Variants in B4GALNT3 observed in about 807,000 individuals in gnomAD.
B4GALNT3 encodes beta-1,4-N-acetyl-galactosaminyltransferase 3.
A neutral mutation model predicts 120.2 loss-of-function variants in B4GALNT3; 86 were observed. That is an observed-to-expected ratio of 0.72 (90% confidence interval 0.60 to 0.86). The LOEUF (loss-of-function observed/expected upper bound fraction) is 0.86. B4GALNT3 is among the 40% of genes least tolerant of loss of function. The pLI, the probability that B4GALNT3 is intolerant of heterozygous loss-of-function variation, is 0.00. For missense variants in B4GALNT3, 1,167 were observed against 1,298.9 expected (o/e 0.90, Z 1.56); for synonymous variants, 518 against 510.4 (o/e 1.01, Z -0.20).
intron 15 of B4GALNT3, 45 bp from the exon 16 acceptor site, chr12:557,563 T>C (rs1172329608): frequency 6.3e-7 from 1 of 1,582,470 alleles, no homozygotes; most frequent in Non-Finnish European, 8.6e-7. Flanking sequence ...CCGCTCATCT[T>C]TGCCTTGTCT....
chr12:480,423 G>C (rs200125548), intron 1 of B4GALNT3, among the ~76,000 whole-genome samples: 1 of 76,592 alleles, frequency 1.3e-5, no homozygotes, highest in Admixed American at 1.7e-4. Context: ...AACACGGAAG[G>C]CTTGACGGTG....
intron 16 of B4GALNT3, 71 bp downstream of exon 16, chr12:557,832 A>C (rs1947176318): frequency 6.5e-7 from 1 of 1,539,440 alleles, no homozygotes; most frequent in East Asian, 2.3e-5. Flanking sequence ...TGCTGGGTCC[A>C]GGGTAGAGCC....
chr12:559,315 T>C lies in B4GALNT3; in HGVS notation c.2782T>C (p.Phe928Leu), dbSNP rs1215871369. ...CACAGGCTACTGGGAGGTGAATGGG[T>C]TCGGGCTGCTTGGCATCTACAAGTC... is the stretch of plus-strand genomic sequence containing the variant. ...WPEGYWEVNG[F>L]GLLGIYKSDL... The change falls in exon 19 of 20, where the codon TTC becomes CTC. Residue 928 changes from phenylalanine to leucine, a missense_variant. Transcript: ENST00000266383. The C allele has an allele frequency of 6.2e-7, 1 of 1,613,840 alleles. No individual in the cohort carries two copies. The highest frequency in any genetic ancestry group is 1.7e-5 in the Admixed American group (1 of 59,984).
At chr12:560,941 G>C (rs1015199789) in intron 19 of B4GALNT3, among the ~76,000 whole-genome samples, 1 of 152,238 alleles carries the variant, frequency 6.6e-6, no homozygotes, top group African/African-American at 2.4e-5. Flanking sequence ...CGTGTGCCCT[G>C]GAGGCTGGGC....
intron 1 of B4GALNT3, among the ~76,000 whole-genome samples, chr12:500,695 C>T (rs1026596036): frequency 6.6e-6 from 1 of 152,068 alleles, no homozygotes; most frequent in African/African-American, 2.4e-5. Flanking sequence ...ACCAGGCCTT[C>T]ATACTATCCA....
At position 513,358 on chromosome 12, in the gene B4GALNT3, C is replaced by A. The variant is rs138635102; in HGVS notation, c.170-21808C>A. 7.2e-5 allele frequency among the ~76,000 whole-genome samples: 11 copies of A among 152,342 alleles called. No homozygotes were observed. In the East Asian group the frequency reaches 2.1e-3, roughly 29 times the overall value. On this transcript the variant is annotated intron_variant, in intron 1 of 19. Coordinates refer to ENST00000266383, the MANE Select transcript of B4GALNT3 (RefSeq NM_173593.4). ...GAGCAGCCCTGAAGGCTGCTGGTTG[C>A]CCATTTTATGCTTATTTCTTGATTA...
At chr12:519,977 A>G (rs1946691232) in intron 1 of B4GALNT3, among the ~76,000 whole-genome samples, 1 of 152,092 alleles carries the variant, frequency 6.6e-6, no homozygotes, top group Non-Finnish European at 1.5e-5. Context: ...GGGGAATTTC[A>G]ACATATATTT....
intron 3 of B4GALNT3, chr12:543,149 A>C (rs1246780614): frequency 7.8e-7 from 1 of 1,289,586 alleles, no homozygotes; most frequent in Non-Finnish European, 1.0e-6. Context: ...GTGTGTGTGC[A>C]TGGCCAGAGC....
At chr12:473,278 C>T (rs1946154730) in intron 1 of B4GALNT3, among the ~76,000 whole-genome samples, 1 of 152,174 alleles carries the variant, frequency 6.6e-6, no homozygotes, top group African/African-American at 2.4e-5. Flanking sequence ...TAAATACTTA[C>T]CAACCCCTTC....
chr12:552,179 T>G lies in B4GALNT3; in HGVS notation c.1208+16T>G, dbSNP rs1171925233. On this transcript the variant is annotated intron_variant, in intron 12 of 19. Transcript: ENST00000266383. Reference sequence around the variant, plus strand: ...ACCAAGACCGGTGAGAGACACTGAGTGGGGCAGGAAGGTGACCTTGCAGAG... The same window carrying G: ...ACCAAGACCGGTGAGAGACACTGAGGGGGGCAGGAAGGTGACCTTGCAGAG... 1 of 1,581,956 alleles carries G rather than the reference T, an allele frequency of 6.3e-7. No homozygotes were observed. Among genetic ancestry groups the G allele is most frequent in the African/African-American group, 1.4e-5 (1 of 73,898 alleles).
Position 550,153 on chromosome 12 carries a change from C to G in B4GALNT3, c.997+241C>G, listed in dbSNP as rs1319936828. On this transcript the variant is annotated intron_variant, in intron 10 of 19. Transcript: ENST00000266383. The surrounding 1 kb of genome is among the most constrained non-coding windows in gnomAD (Gnocchi z 4.1). ...AGAGTGAACGTTTGTGGAACCACCA[C>G]CCACAACAAGAAATAGAGTTAGAAC... Among the ~76,000 whole-genome samples the G allele has an allele frequency of 6.6e-6, 1 of 152,194 alleles. No individual in the cohort carries two copies. The highest frequency in any genetic ancestry group is 6.5e-5 in the Admixed American group (1 of 15,280).
intron 14 of B4GALNT3, chr12:555,147 C>T: frequency 3.2e-6 from 1 of 310,338 alleles, no homozygotes; most frequent in Non-Finnish European, 6.4e-6. Flanking sequence ...CATTGCACTC[C>T]AGCCTGGGCG....
chr12:513,689 C>G (rs139563262), intron 1 of B4GALNT3, among the ~76,000 whole-genome samples: 312 of 152,324 alleles, frequency 2.0e-3, no homozygotes, highest in African/African-American at 7.3e-3. Context: ...CAGGTCTTAG[C>G]CTTATTTTAG....
At position 553,095 on chromosome 12, in the gene B4GALNT3, C is replaced by T. The variant is rs527454269; in HGVS notation, c.1271-99C>T. On this transcript the variant is annotated intron_variant, in intron 13 of 19. Coordinates refer to ENST00000266383, the MANE Select transcript of B4GALNT3 (RefSeq NM_173593.4). ...CTGGATTCAACCCCAGTCTGGAGCC[C>T]CATGGTGCGTCACACGTATGATCAT... The T allele has an allele frequency of 4.6e-6, 7 of 1,513,364 alleles. No homozygotes were observed. The African/African-American group carries it at 8.3e-5, about 18-fold the overall frequency. 93.7% of individuals were successfully genotyped at this position (1,513,364 alleles called of 1,614,324 possible).
chr12:561,295 G>C, intron 19 of B4GALNT3, 48 bp from the exon 20 acceptor site: 1 of 1,498,412 alleles, frequency 6.7e-7, no homozygotes, highest in South Asian at 1.1e-5. Context: ...GGGCCCCCCA[G>C]CTGCCTTCTG....
At position 550,003 on chromosome 12, in the gene B4GALNT3, C is replaced by G. The variant is rs981864243; in HGVS notation, c.997+91C>G. On this transcript the variant is annotated intron_variant, in intron 10 of 19. Transcript: ENST00000266383. This position sits in a 1 kb window ranked among gnomAD's most constrained non-coding sequence, Gnocchi z 4.1. ...GGTGGAGAAGGCTTGAGAGACCTGC[C>G]AAGTATCCCAATCACCGTAGAACTT... 3 of 1,381,250 alleles carry G rather than the reference C, an allele frequency of 2.2e-6. No homozygotes were observed. The highest frequency in any genetic ancestry group is 3.0e-6 in the Non-Finnish European group (3 of 1,012,136). 85.6% of individuals were successfully genotyped at this position (1,381,250 alleles called of 1,614,324 possible). A position where few individuals can be genotyped will look rare whatever the true frequency, so the allele number is the denominator to read the frequency against.
At chr12:529,459 G>A (rs1946786887) in intron 1 of B4GALNT3, among the ~76,000 whole-genome samples, 2 of 152,214 alleles carry the variant, frequency 1.3e-5, no homozygotes, top group Admixed American at 6.5e-5. Flanking sequence ...CGAGCAAGCA[G>A]TAAGATGTGG....
In B4GALNT3 at chr12:548,206, A is replaced by G. The variant is rs1947032387; in HGVS notation, c.787-25A>G. On this transcript the variant is annotated intron_variant, in intron 8 of 19. Coordinates refer to ENST00000266383, the MANE Select transcript of B4GALNT3 (RefSeq NM_173593.4). The surrounding 1 kb of genome is among the most constrained non-coding windows in gnomAD (Gnocchi z 4.9). ...AATCCAGCTACCTCCCACCTTCTGC[A>G]TCTACCCTCTCTCTCCTCTTCCAGT... 3.1e-6 allele frequency: 5 copies of G among 1,612,436 alleles called. No individual in the cohort carries two copies. The South Asian group carries it at 4.4e-5, about 14-fold the overall frequency.
At chr12:504,889 C>T (rs1946481787) in intron 1 of B4GALNT3, among the ~76,000 whole-genome samples, 1 of 151,168 alleles carries the variant, frequency 6.6e-6, no homozygotes, top group Non-Finnish European at 1.5e-5. Flanking sequence ...AAGAATTCAT[C>T]ACAGGTTTTT....
Sources: allele counts gnomAD v4.1 joint callset (sites outside exome capture counted in the v4.1 genomes callset), GRCh38; gene constraint gnomAD v4.1.1; non-coding constraint Gnocchi (gnomAD v3.1); transcripts MANE v1.5; gene names NCBI Gene and HGNC (gene_info 2026-07-23, HGNC 2026-07-21).